The following SFMBT1 variants were observed in gnomAD, a reference collection of about 807,000 sequenced individuals.
SFMBT1 encodes Scm like with four mbt domains 1, also known as scm-like with four MBT domains protein 1.
Under a neutral mutation model 108.7 loss-of-function variants are expected in SFMBT1, and 32 were observed. The ratio of observed to expected loss-of-function variants is 0.29; its 90% CI spans 0.22 to 0.40. SFMBT1 has a LOEUF of 0.40. SFMBT1 is among the 10% of genes least tolerant of loss of function. The probability of loss-of-function intolerance (pLI) is 1.00; values close to 1 mark genes in which losing one functional copy is unlikely to be tolerated. For missense variants in SFMBT1, 816 were observed against 1,059.6 expected, an observed-to-expected ratio of 0.77 and a Z score of 3.19; for synonymous variants, 348 against 369.5, an observed-to-expected ratio of 0.94 and a Z score of 0.67.
Position 52,932,248 on chromosome 3 carries a change from C to T in SFMBT1, c.514G>A (p.Ala172Thr). Residue 172 changes from alanine to threonine, a missense_variant, in exon 6 of 21, where the codon GCT becomes ACT. Transcript: ENST00000394752. ...IAPGSRLECQ[A>T]FQDSLSTWIV... ...CAAGTGCTTAAAGAGTCCTGGAAAGCTTGACATTCTAGTCTGGATCCTGGA... is the reference window on the plus strand; with the variant it reads ...CAAGTGCTTAAAGAGTCCTGGAAAGTTTGACATTCTAGTCTGGATCCTGGA... The T allele has an allele frequency of 6.2e-7, 1 of 1,614,158 alleles. No individual in the cohort carries two copies. Among genetic ancestry groups the T allele is most frequent in the Non-Finnish European group, 8.5e-7 (1 of 1,179,998 alleles).
chr3:52,929,183 A>C (rs1167997758), intron 8 of SFMBT1, among the ~76,000 whole-genome samples: 1 of 152,214 alleles, frequency 6.6e-6, no homozygotes, highest in Non-Finnish European at 1.5e-5. Context: ...AGCTTATGCT[A>C]CTATGTATTA....
At chr3:52,998,117 A>T (rs565470279) in intron 1 of SFMBT1, among the ~76,000 whole-genome samples, 10 of 150,524 alleles carry the variant, frequency 6.6e-5, no homozygotes, top group Non-Finnish European at 1.0e-4. Flanking sequence ...AGTGTTCATA[A>T]GAAAAAATGT....
chr3:52,961,248 A>G (rs1703951088), intron 2 of SFMBT1, among the ~76,000 whole-genome samples: 1 of 152,196 alleles, frequency 6.6e-6, no homozygotes, highest in Non-Finnish European at 1.5e-5. Flanking sequence ...AATTCATAGA[A>G]ACAGAAAATT....
At chr3:53,005,055 C>A (rs992934962) in intron 1 of SFMBT1, among the ~76,000 whole-genome samples, 1 of 152,034 alleles carries the variant, frequency 6.6e-6, no homozygotes, top group African/African-American at 2.4e-5. Flanking sequence ...GTCAGGAGTT[C>A]TTTTTAAATT....
chr3:52,921,123 C>T (rs769989695), intron 11 of SFMBT1, among the ~76,000 whole-genome samples: 1 of 152,120 alleles, frequency 6.6e-6, no homozygotes, highest in Non-Finnish European at 1.5e-5. Context: ...AGTCTACATT[C>T]GATATTATCC....
At chr3:52,938,639 G>GT (rs35655166) in intron 4 of SFMBT1, among the ~76,000 whole-genome samples, 106,374 of 148,512 alleles carry the variant, frequency 0.72, 38,096 homozygotes, top group South Asian at 0.86. Context: ...CAATAAAGCT[G>GT]TTTTTTTTTT....
At position 52,996,634 on chromosome 3, in the gene SFMBT1, G is replaced by A. The variant is rs1473159086; in HGVS notation, c.-130-27376C>T. 6.0e-5 allele frequency among the ~76,000 whole-genome samples: 9 copies of A among 150,214 alleles called. 1 individual carries two copies. The highest frequency in any genetic ancestry group is 1.0e-4 in the Non-Finnish European group (7 of 67,104). ...AAATACAAATTAAAACCACTATGAA[G>A]TATCATTACACACCAACTAAAATGG... is the stretch of plus-strand genomic sequence containing the variant. On this transcript the variant is annotated intron_variant, in intron 1 of 20. Coordinates refer to ENST00000394752, the MANE Select transcript of SFMBT1 (RefSeq NM_016329.4).
At chr3:52,915,194 G>C (rs1180439876) in intron 14 of SFMBT1, among the ~76,000 whole-genome samples, 1 of 152,158 alleles carries the variant, frequency 6.6e-6, no homozygotes, top group African/African-American at 2.4e-5. Flanking sequence ...ACTCCCCAAT[G>C]AAACTCCTGA....
intron 1 of SFMBT1, among the ~76,000 whole-genome samples, chr3:52,980,111 AATCT>A (rs1187565686): frequency 1.3e-5 from 2 of 152,120 alleles, no homozygotes; most frequent in African/African-American, 2.4e-5. Context: ...TTTATATACA[AATCT>A]ATTATTAAAA....
rs1698280993 is a variant in SFMBT1, at chr3:52,995,211, T to G, written c.-130-25953A>C. On this transcript the variant is annotated intron_variant, in intron 1 of 20. Coordinates refer to ENST00000394752, the MANE Select transcript of SFMBT1 (RefSeq NM_016329.4). Reference sequence around the variant, plus strand: ...CAATGGAAATGGAAAAAGGATAGTATTTTCAACAAATGGTACAGAAACAAC... The same window carrying G: ...CAATGGAAATGGAAAAAGGATAGTAGTTTCAACAAATGGTACAGAAACAAC... 1.3e-5 allele frequency among the ~76,000 whole-genome samples: 2 copies of G among 149,698 alleles called. 1 individual carries two copies. The highest frequency in any genetic ancestry group is 3.0e-5 in the Non-Finnish European group (2 of 66,936).
intron 1 of SFMBT1, among the ~76,000 whole-genome samples, chr3:52,995,016 A>C (rs2106902128): frequency 6.7e-6 from 1 of 149,588 alleles, no homozygotes; most frequent in African/African-American, 2.4e-5. Context: ...GAAAGAAAGA[A>C]AGAAAGAAAA....
chr3:52,967,285 T>C (rs1704180734), intron 2 of SFMBT1, among the ~76,000 whole-genome samples: 1 of 152,136 alleles, frequency 6.6e-6, no homozygotes, highest in African/African-American at 2.4e-5. Context: ...AAGAACCTTA[T>C]TTCAAATATA....
At chr3:53,041,849 TC>T (rs1190771632) in intron 1 of SFMBT1, among the ~76,000 whole-genome samples, 1 of 152,040 alleles carries the variant, frequency 6.6e-6, no homozygotes, top group Admixed American at 6.6e-5. Context: ...CACACTTTTA[TC>T]CCATTTAATA....
At chr3:52,928,006 G>A (rs989539436) in intron 9 of SFMBT1, among the ~76,000 whole-genome samples, 185 bp downstream of exon 9, 1 of 152,168 alleles carries the variant, frequency 6.6e-6, no homozygotes, top group Non-Finnish European at 1.5e-5. Context: ...AGCTCAGTTT[G>A]TAACTTTCAA....
intron 17 of SFMBT1, among the ~76,000 whole-genome samples, chr3:52,908,796 C>A (rs374977891): frequency 2.2e-4 from 34 of 152,250 alleles, no homozygotes; most frequent in African/African-American, 8.2e-4. Flanking sequence ...GTCTTGAACT[C>A]CTGACCTCAG....
At chr3:53,019,387 G>T (rs1310684739) in intron 1 of SFMBT1, among the ~76,000 whole-genome samples, 2 of 59,332 alleles carry the variant, frequency 3.4e-5, no homozygotes, top group South Asian at 1.5e-3. Flanking sequence ...GTGTGTGTGT[G>T]GGGGGGGTAT....
chr3:52,969,848 T>A lies in SFMBT1; in HGVS notation c.-130-590A>T, dbSNP rs116456132. ...TGGAAGCGGTGGCTCATGACTGTAA[T>A]CCCAACACTCTGGGAGGCTGAAGTG... On this transcript the variant is annotated intron_variant, in intron 1 of 20. Coordinates refer to ENST00000394752, the MANE Select transcript of SFMBT1 (RefSeq NM_016329.4). 9.0e-3 allele frequency among the ~76,000 whole-genome samples: 1,373 copies of A among 152,288 alleles called. 16 individuals carry two copies. The highest frequency in any genetic ancestry group is 0.031 in the African/African-American group (1,282 of 41,546).
At chr3:52,966,958 A>G (rs1704172054) in intron 2 of SFMBT1, among the ~76,000 whole-genome samples, 2 of 150,396 alleles carry the variant, frequency 1.3e-5, no homozygotes, top group Admixed American at 1.3e-4. Flanking sequence ...AGTTATATAT[A>G]TATATATATA....
intron 1 of SFMBT1, among the ~76,000 whole-genome samples, chr3:53,024,919 A>G (rs1269649812): frequency 1.3e-5 from 2 of 152,218 alleles, no homozygotes; most frequent in East Asian, 3.8e-4. Context: ...GGCTTTGGCC[A>G]TTATATATAA....
Sources: allele counts gnomAD v4.1 joint callset (sites outside exome capture counted in the v4.1 genomes callset), GRCh38; gene constraint gnomAD v4.1.1; transcripts MANE v1.5; gene names NCBI Gene and HGNC (gene_info 2026-07-23, HGNC 2026-07-21).